The following BCL11B variants were observed in gnomAD, a reference collection of about 807,000 sequenced individuals.
BCL11B encodes BCL11 transcription factor B.
BCL11B carries 8 observed loss-of-function variants against 49.9 expected under a neutral mutation model. That is an observed-to-expected ratio of 0.16 (90% CI 0.09 to 0.29). The LOEUF is 0.29. BCL11B is among the 10% of genes least tolerant of loss of function. BCL11B has a pLI of 1.00. For missense variants in BCL11B, 1,006 were observed against 1,351.0 expected, an observed-to-expected ratio of 0.74 and a Z score of 4.00; for synonymous variants, 739 against 637.4, an observed-to-expected ratio of 1.16 and a Z score of -2.40.
At position 99,257,632 on chromosome 14, in the gene BCL11B, T is replaced by G; in HGVS notation, c.266A>C (p.Tyr89Ser). The change falls in exon 2 of 4, where the codon TAT becomes TCT. Residue 89 changes from tyrosine (Y) to serine (S), a missense_variant. This residue lies in a region of BCL11B where 411 missense variants were observed against 542.2 expected (regional missense o/e 0.76). Transcript: ENST00000357195. The surrounding 1 kb of genome is among the most constrained non-coding windows in gnomAD (Gnocchi z 6.2). ...GCTGTCCTTGTCCAGGGCCTTGTCATAGCAGGCACCCAAGCTGCCGCCACA... is the reference window on the plus strand; with the variant it reads ...GCTGTCCTTGTCCAGGGCCTTGTCAGAGCAGGCACCCAAGCTGCCGCCACA... ...KQCGGSLGACYDKALDKDSPP... is the reference protein window; with the variant it reads ...KQCGGSLGACSDKALDKDSPP... 1 of 1,613,574 alleles carries G rather than the reference T, an allele frequency of 6.2e-7. No homozygotes were observed. Among genetic ancestry groups the G allele is most frequent in the South Asian group, 1.1e-5 (1 of 91,056 alleles).
chr14:99,230,113 A>C (rs1381693214), intron 3 of BCL11B, among the ~76,000 whole-genome samples: 1 of 152,192 alleles, frequency 6.6e-6, no homozygotes, highest in East Asian at 1.9e-4. Flanking sequence ...GGGAGGGTAC[A>C]CTAAAGCTCC....
chr14:99,255,275 A>AGGGATTATTTTACATATTTCTG (rs1396552854), intron 2 of BCL11B, among the ~76,000 whole-genome samples: 10 of 152,116 alleles, frequency 6.6e-5, no homozygotes, highest in Non-Finnish European at 8.8e-5. Context: ...TAGACTTCTA[A>AGGGATTATTTTACATATTTCTG]GGGATTATTT....
intron 3 of BCL11B, among the ~76,000 whole-genome samples, chr14:99,216,145 A>G (rs1301101828): frequency 6.6e-6 from 1 of 152,172 alleles, no homozygotes; most frequent in Non-Finnish European, 1.5e-5. Flanking sequence ...ACAGAGAAAG[A>G]CTCTAAGGTA....
intron 3 of BCL11B, among the ~76,000 whole-genome samples, chr14:99,211,375 G>T (rs1164979406): frequency 6.6e-6 from 1 of 152,182 alleles, no homozygotes; most frequent in Non-Finnish European, 1.5e-5. Context: ...ATGTACTTGG[G>T]TGTTGTCTGG....
rs150905166 is a variant in BCL11B, at chr14:99,261,478, T to C, written c.59-3639A>G. On this transcript the variant is annotated intron_variant, in intron 1 of 3. Transcript: ENST00000357195. ...GCCTCAGAGAGCCAGGCCTCTGTTC[T>C]AACAGGCAGAGTGGTCCAACCTGCC... Among the ~76,000 whole-genome samples, 585 of 152,170 alleles carry C rather than the reference T, an allele frequency of 3.8e-3. 3 individuals are homozygous for C. The highest frequency in any genetic ancestry group is 0.024 in the Middle Eastern group (7 of 294).
chr14:99,271,294 C>CGCCGCGCCGCT lies in BCL11B; in HGVS notation c.-87_-77dup. The CGCCGCGCCGCT allele has an allele frequency of 1.1e-6, 1 of 945,572 alleles. No individual in the cohort carries two copies. Among genetic ancestry groups the CGCCGCGCCGCT allele is most frequent in the Non-Finnish European group, 1.4e-6 (1 of 731,566 alleles). The allele number at this position is 945,572 out of a possible 1,614,324, so 58.6% of individuals were successfully genotyped here. The stretch of plus-strand genomic sequence containing the variant: ...AGCCGGGGGAGGGGGTCCGAGCCGC[C>CGCCGCGCCGCT]GCCGCGCCGCTGCCGCCGCTGCCGC... On this transcript the variant is annotated 5_prime_UTR_variant, in exon 1 of 4. Transcript: ENST00000357195.
intron 3 of BCL11B, among the ~76,000 whole-genome samples, chr14:99,198,495 T>C (rs1022622357): frequency 2.0e-5 from 3 of 152,220 alleles, no homozygotes; most frequent in African/African-American, 4.8e-5. Flanking sequence ...TTCCACCCTA[T>C]GGCTGGGGCA....
rs774711286 is a variant in BCL11B, at chr14:99,231,490, G to A, written c.495C>T (p.Ser165=). The change falls in exon 3 of 4, where the codon TCC becomes TCT. Residue 165 remains serine, a synonymous_variant. Coordinates refer to ENST00000357195, the MANE Select transcript of BCL11B (RefSeq NM_138576.4). The surrounding 1 kb of genome is among the most constrained non-coding windows in gnomAD (Gnocchi z 8.1). ...PIAASSHPHS[S]VITSPLRALG... ...GGGCACGCAGAGGTGAAGTGATCAC[G>A]GATGAGTGAGGGTGGGAGGAGGCAG... is the stretch of plus-strand genomic sequence containing the variant. The A allele has an allele frequency of 2.1e-5, 34 of 1,601,486 alleles. No homozygotes were observed. Among genetic ancestry groups the A allele is most frequent in the East Asian group, 6.7e-5 (3 of 44,484 alleles).
intron 1 of BCL11B, among the ~76,000 whole-genome samples, chr14:99,264,905 A>T (rs1464165548): frequency 6.6e-6 from 1 of 152,174 alleles, no homozygotes; most frequent in Admixed American, 6.5e-5. Context: ...CAGTCAGCAC[A>T]CGGCGTTTCT....
chr14:99,199,640 CTGTG>C (rs79328426), intron 3 of BCL11B, among the ~76,000 whole-genome samples: 5,272 of 109,242 alleles, frequency 0.048, 247 homozygotes, highest in East Asian at 0.2. Flanking sequence ...TGGCTAAATG[CTGTG>C]TGTGTGTGTG....
At chr14:99,265,337 T>C (rs1889449710) in intron 1 of BCL11B, among the ~76,000 whole-genome samples, 1 of 152,160 alleles carries the variant, frequency 6.6e-6, no homozygotes, top group Non-Finnish European at 1.5e-5. Context: ...AAGCCAACAT[T>C]AACCTCGAGG....
At chr14:99,227,978 C>T (rs1186599668) in intron 3 of BCL11B, among the ~76,000 whole-genome samples, 1 of 152,150 alleles carries the variant, frequency 6.6e-6, no homozygotes, top group African/African-American at 2.4e-5. Context: ...AGGCAGGGCC[C>T]CCTGGGATGC....
rs771505992 is a variant in BCL11B at position 99,175,858 on chromosome 14, G to T, written c.978C>A (p.Asp326Glu). 1 of 1,478,860 alleles carries T rather than the reference G, an allele frequency of 6.8e-7. No homozygotes were observed. Among genetic ancestry groups the T allele is most frequent in the Non-Finnish European group, 8.9e-7 (1 of 1,120,240 alleles). The allele number at this position is 1,478,860 out of a possible 1,614,324, so 91.6% of individuals were successfully genotyped here. Residue 326 changes from aspartate to glutamate, a missense_variant, in exon 4 of 4, where the codon GAC (aspartate) becomes GAA (glutamate). By Grantham distance (45) the Asp-to-Glu change is conservative. Around this residue, in one of 6 missense-constraint regions of BCL11B, gnomAD observed 411 missense variants for 542.2 expected, o/e 0.76. Coordinates refer to ENST00000357195, the MANE Select transcript of BCL11B (RefSeq NM_138576.4). ...TCTCCTCGGCACTGAGGCGGTGCGG[G>T]TCCAGGTGGTGGCGCGGCGGGGGAC... ...LFSPPPRHHL[D>E]PHRLSAEEMG... is the part of the protein sequence containing the mutation.
intron 2 of BCL11B, among the ~76,000 whole-genome samples, chr14:99,252,238 GC>G (rs1444584785): frequency 6.6e-6 from 1 of 152,136 alleles, no homozygotes; most frequent in African/African-American, 2.4e-5. Context: ...GATAATCCAT[GC>G]CACAACACAC....
intron 2 of BCL11B, among the ~76,000 whole-genome samples, chr14:99,253,942 C>T (rs868404228): frequency 3.9e-5 from 6 of 152,254 alleles, no homozygotes; most frequent in Admixed American, 1.3e-4. Flanking sequence ...TGACCAGCTT[C>T]GCCCCATCCC....
rs868399177 is a variant in BCL11B at position 99,170,052 on chromosome 14, A to G, written c.*4099T>C. ...CTCTCTTCTCTGCAGTCACAGAGACACACAATGCTTGTGCTTTGGGATGGC... is the reference window on the plus strand; with the variant it reads ...CTCTCTTCTCTGCAGTCACAGAGACGCACAATGCTTGTGCTTTGGGATGGC... On this transcript the variant is annotated 3_prime_UTR_variant, in exon 4 of 4. Transcript: ENST00000357195. 8.3e-5 allele frequency: 19 copies of G among 227,878 alleles called. No homozygotes were observed. In the South Asian group the frequency reaches 1.1e-3, roughly 13 times the overall value. The allele number at this position is 227,878 out of a possible 1,614,324, so 14.1% of individuals were successfully genotyped here.
intron 3 of BCL11B, among the ~76,000 whole-genome samples, chr14:99,189,062 G>C (rs868260287): frequency 6.6e-6 from 1 of 152,230 alleles, no homozygotes; most frequent in Non-Finnish European, 1.5e-5. Flanking sequence ...ATTTTGGGCC[G>C]ACGCAGATGG....
chr14:99,225,394 CCA>C (rs1888130917), intron 3 of BCL11B, among the ~76,000 whole-genome samples: 1 of 152,168 alleles, frequency 6.6e-6, no homozygotes, highest in Non-Finnish European at 1.5e-5. Flanking sequence ...CCAGTCCGCT[CCA>C]CACAGAGGGC....
At chr14:99,226,406 G>T (rs571867907) in intron 3 of BCL11B, among the ~76,000 whole-genome samples, 4 of 151,954 alleles carry the variant, frequency 2.6e-5, no homozygotes, top group Non-Finnish European at 5.9e-5. Flanking sequence ...CTCAGTGGCC[G>T]ATCTAACACC....
Sources: gnomAD v4.1 joint callset for allele counts (sites outside exome capture counted in the v4.1 genomes callset) on GRCh38, gnomAD v4.1.1 for gene constraint, gnomAD v4.1.1 regional missense constraint, Gnocchi (gnomAD v3.1) non-coding constraint, MANE v1.5 for transcripts, NCBI Gene and HGNC (gene_info 2026-07-23, HGNC 2026-07-21) for gene names.